Variants in CTDP1 observed in about 807,000 individuals in gnomAD.
CTDP1 encodes CTD phosphatase 1.
A neutral mutation model predicts 91.8 loss-of-function variants in CTDP1; 47 were observed. That is an observed-to-expected ratio of 0.51 (90% CI 0.41 to 0.65). The LOEUF (loss-of-function observed/expected upper bound fraction) is 0.65, where lower values mean the gene tolerates loss of function less well. CTDP1 is among the 30% of genes least tolerant of loss of function. The probability of loss-of-function intolerance (pLI) is 0.00; values close to 1 mark genes in which losing one functional copy is unlikely to be tolerated. For synonymous variants in CTDP1, 656 were observed against 598.5 expected (o/e 1.10, Z -1.40); for missense variants, 1,272 against 1,373.7 (o/e 0.93, Z 1.17).
At chr18:79,723,396 C>T (rs986178414) in intron 10 of CTDP1, among the ~76,000 whole-genome samples, 9 of 152,184 alleles carry the variant, frequency 5.9e-5, no homozygotes, top group East Asian at 3.9e-4. Context: ...CTCGGAACCC[C>T]GTGCAGACCC....
At chr18:79,705,034 C>CTTAT in intron 5 of CTDP1, 117 bp downstream of exon 5, 1 of 1,497,480 alleles carries the variant, frequency 6.7e-7, no homozygotes, top group Non-Finnish European at 9.1e-7. Flanking sequence ...CAGTTGTAGT[C>CTTAT]TTAGGGTTGG....
intron 10 of CTDP1, among the ~76,000 whole-genome samples, chr18:79,722,690 C>T (rs2086368439): frequency 6.6e-6 from 1 of 151,652 alleles, no homozygotes; most frequent in Non-Finnish European, 1.5e-5. Context: ...TAAAATGAGC[C>T]TGGGTTCTGC....
chr18:79,689,615 A>G (rs1054427847), intron 1 of CTDP1, among the ~76,000 whole-genome samples: 16 of 152,146 alleles, frequency 1.1e-4, no homozygotes, highest in Non-Finnish European at 2.9e-5. Context: ...GTGAAACCCC[A>G]TCTCTACTAA....
intron 3 of CTDP1, among the ~76,000 whole-genome samples, chr18:79,697,252 T>C (rs2085766399): frequency 1.3e-5 from 2 of 151,984 alleles, no homozygotes; most frequent in African/African-American, 4.8e-5. Context: ...TTGTGAAGAG[T>C]GAGGGCCAGT....
At chr18:79,720,533 C>G (rs2086322946) in intron 10 of CTDP1, among the ~76,000 whole-genome samples, 1 of 139,738 alleles carries the variant, frequency 7.2e-6, no homozygotes, top group Non-Finnish European at 1.6e-5. Flanking sequence ...CACCACCCGT[C>G]ATTAGCGCAT....
intron 1 of CTDP1, among the ~76,000 whole-genome samples, chr18:79,691,500 CG>C (rs1491274071): frequency 6.7e-6 from 1 of 148,196 alleles, no homozygotes; most frequent in Non-Finnish European, 1.5e-5. Context: ...AGGGTGGACT[CG>C]GGGTGGGGAG....
At chr18:79,693,706 G>A (rs192427446) in intron 1 of CTDP1, among the ~76,000 whole-genome samples, 5 of 152,124 alleles carry the variant, frequency 3.3e-5, no homozygotes, top group Non-Finnish European at 7.4e-5. Flanking sequence ...GCCCCGCACC[G>A]TGTGTCCTCA....
intron 1 of CTDP1, among the ~76,000 whole-genome samples, chr18:79,684,470 T>C (rs907220862): frequency 1.3e-5 from 2 of 152,190 alleles, no homozygotes; most frequent in African/African-American, 2.4e-5. Context: ...TGAGTGAACC[T>C]GTGAAAAGCA....
intron 11 of CTDP1, among the ~76,000 whole-genome samples, chr18:79,732,144 TAAG>T (rs761810996): frequency 1.4e-5 from 2 of 146,656 alleles, no homozygotes. Context: ...ACGTGAGACA[TAAG>T]AACTAACATC....
At chr18:79,736,132 C>T (rs551300288) in intron 11 of CTDP1, 39 of 602,378 alleles carry the variant, frequency 6.5e-5, no homozygotes, top group East Asian at 1.1e-4. Context: ...TCTTTGCCTG[C>T]GAACCGACTG....
intron 12 of CTDP1, among the ~76,000 whole-genome samples, chr18:79,750,361 C>T (rs1209340915): frequency 6.6e-6 from 1 of 152,106 alleles, no homozygotes; most frequent in African/African-American, 2.4e-5. Context: ...AATTTGCAAC[C>T]CCTCACTCTC....
intron 11 of CTDP1, 72 bp from the exon 12 acceptor site, chr18:79,736,283 C>T (rs761416544): frequency 6.5e-7 from 1 of 1,541,862 alleles, no homozygotes; most frequent in African/African-American, 1.4e-5. Flanking sequence ...CTGGACTCTG[C>T]CGGGAGAAGC....
At chr18:79,755,388 T>G (rs1166455557), downstream of CTDP1, 1 of 152,166 alleles carries the variant, frequency 6.6e-6, no homozygotes, top group Non-Finnish European at 1.5e-5. Context: ...GGAGGTGAAC[T>G]GGGCCCACCT....
intron 12 of CTDP1, among the ~76,000 whole-genome samples, chr18:79,750,963 G>A (rs1396924032): frequency 6.9e-6 from 1 of 144,430 alleles, no homozygotes; most frequent in Non-Finnish European, 1.5e-5. Context: ...GCTGGGTACA[G>A]AGGGCAGGCT....
chr18:79,721,621 G>A (rs1476974020), intron 10 of CTDP1, among the ~76,000 whole-genome samples: 1 of 152,088 alleles, frequency 6.6e-6, no homozygotes, highest in African/African-American at 2.4e-5. Context: ...CAGGGGGGTG[G>A]CTCGCACTGT....
chr18:79,713,102 C>A lies in CTDP1; in HGVS notation c.994C>A (p.Pro332Thr). The part of the protein sequence containing the change: ...YFQGTGDMNA[P>T]PGSRESQTRK... ...CCAGGGCACGGGTGATATGAATGCG[C>A]CCCCTGGGTCCCGAGAATCTCAGAC... Residue 332 changes from proline (P) to threonine (T), a missense_variant, in exon 7 of 13, where the codon CCC becomes ACC. Transcript: ENST00000613122. This position sits in a 1 kb window ranked among gnomAD's most constrained non-coding sequence, Gnocchi z 4.7. 1 of 1,613,858 alleles carries A rather than the reference C, an allele frequency of 6.2e-7. No homozygotes were observed. Among genetic ancestry groups the A allele is most frequent in the African/African-American group, 1.3e-5 (1 of 74,980 alleles).
intron 1 of CTDP1, among the ~76,000 whole-genome samples, chr18:79,689,016 G>A (rs1451098421): frequency 1.3e-5 from 2 of 152,184 alleles, no homozygotes; most frequent in Non-Finnish European, 2.9e-5. Flanking sequence ...CAGGTGTGAT[G>A]TCACTTCACC....
chr18:79,717,027 T>C (rs1408513833), intron 8 of CTDP1, among the ~76,000 whole-genome samples: 1 of 141,890 alleles, frequency 7.0e-6, no homozygotes, highest in East Asian at 2.1e-4. Context: ...CCTAGTGGGG[T>C]ACAGCTGGGT....
chr18:79,742,110 AGGTG>A (rs2086790016), intron 12 of CTDP1, among the ~76,000 whole-genome samples: 1 of 10,134 alleles, frequency 9.9e-5, no homozygotes, highest in African/African-American at 1.7e-4. Context: ...AGGAGGCATG[AGGTG>A]GAGGCCTGGG....
Sources: allele counts gnomAD v4.1 joint callset (sites outside exome capture counted in the v4.1 genomes callset), GRCh38; gene constraint gnomAD v4.1.1; non-coding constraint Gnocchi (gnomAD v3.1); transcripts MANE v1.5; gene names NCBI Gene and HGNC (gene_info 2026-07-23, HGNC 2026-07-21).